Variants in LINC00632 observed in about 807,000 individuals in gnomAD.
LINC00632 encodes the protein long independently transcribed non-coding RNA 632, also known as ALDOA related specific transcript.
chrX:140,784,197 A>G, exon 5 of LINC00632: 5 of 1,212,049 alleles, frequency 4.1e-6, no homozygotes, highest in Non-Finnish European at 5.6e-6. Context: ...GTCTTCCAGC[A>G]AATCCACGTC....
At chrX:140,727,744 C>A (rs774055734) in intron 2 of LINC00632, among the ~76,000 whole-genome samples, 1 of 112,077 alleles carries the variant, frequency 8.9e-6, no homozygotes, top group Non-Finnish European at 1.9e-5. Context: ...TACAGTGAAC[C>A]TACAAGAAAC....
chrX:140,778,373 G>A (rs1276018391), exon 5 of LINC00632, among the ~76,000 whole-genome samples: 2 of 111,816 alleles, frequency 1.8e-5, no homozygotes, highest in Non-Finnish European at 3.8e-5. Context: ...TTGGGAGGCC[G>A]AGGCGGGCAG....
At chrX:140,749,118 T>C (rs1189621799) in intron 3 of LINC00632, among the ~76,000 whole-genome samples, 2 of 109,966 alleles carry the variant, frequency 1.8e-5, no homozygotes, top group Non-Finnish European at 3.8e-5. Flanking sequence ...ATGTACTTTA[T>C]GAAGATAAGA....
At chrX:140,764,587 A>G (rs1000513747) in intron 3 of LINC00632, 3 of 112,406 alleles carry the variant, frequency 2.7e-5, no homozygotes, top group African/African-American at 9.7e-5. Context: ...ACAACGTGGC[A>G]CAGAACGGCA....
At chrX:140,742,870 AG>A (rs1931250858) in intron 3 of LINC00632, among the ~76,000 whole-genome samples, 8 of 95,554 alleles carry the variant, frequency 8.4e-5, no homozygotes, top group African/African-American at 2.8e-4. Context: ...AGAGAGAGAG[AG>A]AGAGAGAGGA....
chrX:140,771,834 C>T (rs1931804220), intron 3 of LINC00632, among the ~76,000 whole-genome samples: 1 of 99,812 alleles, frequency 1.0e-5, no homozygotes, highest in Admixed American at 1.1e-4. Flanking sequence ...CATGTGCCAC[C>T]ATGCCCAGCT....
chrX:140,787,995 A>G (rs957545739), exon 5 of LINC00632, among the ~76,000 whole-genome samples: 1 of 110,431 alleles, frequency 9.1e-6, no homozygotes, highest in African/African-American at 3.3e-5. Flanking sequence ...ATATGGGTAG[A>G]TTTTACTTCT....
chrX:140,770,592 A>G (rs1931773140), intron 3 of LINC00632, among the ~76,000 whole-genome samples: 1 of 111,865 alleles, frequency 8.9e-6, no homozygotes, highest in Non-Finnish European at 1.9e-5. Context: ...TACTGATAAC[A>G]TTGTATATCT....
chrX:140,750,781 C>T (rs983004951), intron 3 of LINC00632, among the ~76,000 whole-genome samples: 7 of 110,589 alleles, frequency 6.3e-5, no homozygotes, highest in Non-Finnish European at 9.4e-5. Context: ...TCCACACATC[C>T]TTTCCCGGTG....
chrX:140,736,654 C>T (rs1931149960), intron 3 of LINC00632, among the ~76,000 whole-genome samples: 1 of 108,276 alleles, frequency 9.2e-6, no homozygotes, highest in Non-Finnish European at 1.9e-5. Flanking sequence ...CCAGGATGGT[C>T]TCGATCTCCT....
intron 3 of LINC00632, among the ~76,000 whole-genome samples, chrX:140,747,953 G>A (rs75845169): frequency 9.0e-6 from 1 of 111,697 alleles, no homozygotes; most frequent in African/African-American, 3.3e-5. Flanking sequence ...TCAGCCTCCC[G>A]AGTAGCTGGG....
intron 2 of LINC00632, among the ~76,000 whole-genome samples, chrX:140,728,910 C>T (rs1166228777): frequency 9.0e-6 from 1 of 110,887 alleles, no homozygotes; most frequent in Non-Finnish European, 1.9e-5. Flanking sequence ...CAATAAGTGA[C>T]CTACAAAACA....
intron 3 of LINC00632, among the ~76,000 whole-genome samples, chrX:140,762,534 T>G (rs190083427): frequency 8.9e-6 from 1 of 112,447 alleles, no homozygotes; most frequent in East Asian, 2.8e-4. Flanking sequence ...CAATTACAGC[T>G]AACAGACTTA....
Position 140,762,242 on chromosome X carries a change from A to AGAAAGAGAGAGAGAGC in LINC00632, n.192-9835_192-9834insAAAGAGAGAGAGAGCG, listed in dbSNP as rs1286418753. 8.9e-3 allele frequency among the ~76,000 whole-genome samples: 886 copies of AGAAAGAGAGAGAGAGC among 99,814 alleles called. 18 individuals are homozygous for AGAAAGAGAGAGAGAGC. The highest frequency in any genetic ancestry group is 0.031 in the African/African-American group (814 of 26,545). 86.7% of individuals were successfully genotyped at this position (99,814 alleles called of 115,157 possible). Reference sequence around the variant, plus strand: ...GAGAGAGAGAGAGAGAGAGAGAGAGAGCACTCTTATCTTTCCCCACTAGAT... The same window carrying AGAAAGAGAGAGAGAGC: ...GAGAGAGAGAGAGAGAGAGAGAGAGAGAAAGAGAGAGAGAGCGCACTCTTATCTTTCCCCACTAGAT... On this transcript the variant is annotated intron_variant and non_coding_transcript_variant, in intron 3 of 4. Coordinates refer to ENST00000648200, the Ensembl canonical transcript of LINC00632.
chrX:140,761,948 A>G (rs1931600145), intron 3 of LINC00632, among the ~76,000 whole-genome samples: 1 of 111,154 alleles, frequency 9.0e-6, no homozygotes, highest in Non-Finnish European at 1.9e-5. Context: ...GGTTCAGCAA[A>G]CAGAGCATGA....
At chrX:140,772,018 T>C (rs1931807907) in intron 3 of LINC00632, 3 of 268,680 alleles carry the variant, frequency 1.1e-5, no homozygotes, top group Non-Finnish European at 2.0e-5. Context: ...TATAAGCTAC[T>C]CATTTAGATT....
exon 5 of LINC00632, among the ~76,000 whole-genome samples, chrX:140,776,569 C>T (rs1028785487): frequency 8.9e-6 from 1 of 112,671 alleles, no homozygotes; most frequent in African/African-American, 3.2e-5. Context: ...CCGGGGGTGT[C>T]GCGCGCTGGC....
exon 4 of LINC00632, among the ~76,000 whole-genome samples, chrX:140,774,032 A>C (rs1470804042): frequency 2.7e-5 from 3 of 112,584 alleles, no homozygotes; most frequent in Admixed American, 9.4e-5. Flanking sequence ...CAGTGGTAGA[A>C]GAAATTGAAA....
exon 5 of LINC00632, chrX:140,784,090 A>G: frequency 8.3e-7 from 1 of 1,209,988 alleles, no homozygotes; most frequent in Non-Finnish European, 1.1e-6. Context: ...TCTTCCAACA[A>G]AGCCATGTCT....
Sources: gnomAD v4.1 joint callset for allele counts (sites outside exome capture counted in the v4.1 genomes callset) on GRCh38, gnomAD v4.1.1 for gene constraint, MANE v1.5 for transcripts, NCBI Gene and HGNC (gene_info 2026-07-23, HGNC 2026-07-21) for gene names.